The following INPP4B variants were observed in gnomAD, a reference collection of about 807,000 sequenced individuals.
INPP4B encodes inositol polyphosphate-4-phosphatase type II B.
In INPP4B, 55 loss-of-function variants were observed where a neutral mutation model predicts 122.5. The ratio of observed to expected loss-of-function variants is 0.45; its 90% CI spans 0.36 to 0.56. The LOEUF (loss-of-function observed/expected upper bound fraction) is 0.56, where lower values mean the gene tolerates loss of function less well. INPP4B is among the 20% of genes least tolerant of loss of function. The pLI is 0.00. For synonymous variants in INPP4B, 403 were observed against 388.7 expected (o/e 1.04, Z -0.43); for missense variants, 1,000 against 1,097.7 (o/e 0.91, Z 1.26).
At position 142,202,819 on chromosome 4, in the gene INPP4B, G is replaced by A. The variant is rs944750946; in HGVS notation, c.1072+5606C>T. 8 of 978,168 alleles carry A rather than the reference G, an allele frequency of 8.2e-6. No homozygotes were observed. The African/African-American group carries it at 1.4e-4, about 17-fold the overall frequency. 60.6% of individuals were successfully genotyped at this position (978,168 alleles called of 1,614,324 possible). A position where few individuals can be genotyped will look rare whatever the true frequency, so the allele number is the denominator to read the frequency against. ...GAGTGGGCGGGGCCGTGCTTGACAG[G>A]TGTGTTTCACTCATGCAAACTAAGG... On this transcript the variant is annotated intron_variant, in intron 14 of 25. Transcript: ENST00000262992.
At chr4:142,572,747 A>C (rs181573282) in intron 2 of INPP4B, among the ~76,000 whole-genome samples, 1 of 152,134 alleles carries the variant, frequency 6.6e-6, no homozygotes, top group Non-Finnish European at 1.5e-5. Context: ...TTAATTGTAC[A>C]ATGTGAGAAA....
At chr4:142,668,045 A>G (rs1756407646) in intron 2 of INPP4B, among the ~76,000 whole-genome samples, 1 of 152,166 alleles carries the variant, frequency 6.6e-6, no homozygotes, top group South Asian at 2.1e-4. Flanking sequence ...TGAGGCCAGC[A>G]TTACCCTGAT....
intron 25 of INPP4B, among the ~76,000 whole-genome samples, chr4:142,048,312 TG>T (rs1294549554): frequency 6.6e-6 from 1 of 152,110 alleles, no homozygotes; most frequent in African/African-American, 2.4e-5. Context: ...TTACAGAATA[TG>T]TAGGACAGCT....
chr4:142,094,432 T>G (rs577208800), intron 23 of INPP4B, among the ~76,000 whole-genome samples: 1 of 152,310 alleles, frequency 6.6e-6, no homozygotes, highest in South Asian at 2.1e-4. Context: ...AATGGCTCCT[T>G]GAGAGTGCAT....
At position 142,075,587 on chromosome 4, in the gene INPP4B, C is replaced by T. The variant is rs940977301; in HGVS notation, c.2642+6444G>A. On this transcript the variant is annotated intron_variant, in intron 25 of 25. Transcript: ENST00000262992. ...AGACCTCGAAGACCAGGAGAACTTC[C>T]CCATTTTAGCAATATCCAAAGATGC... Among the ~76,000 whole-genome samples, 2 of 151,904 alleles carry T rather than the reference C, an allele frequency of 1.3e-5. 1 individual carries two copies. The highest frequency in any genetic ancestry group is 2.9e-5 in the Non-Finnish European group (2 of 67,966).
intron 7 of INPP4B, among the ~76,000 whole-genome samples, chr4:142,359,715 A>G (rs1234122887): frequency 1.3e-5 from 2 of 152,026 alleles, no homozygotes; most frequent in Admixed American, 6.6e-5. Flanking sequence ...GAAGATAATA[A>G]CACATTGACT....
At position 142,173,658 on chromosome 4, in the gene INPP4B, T is replaced by G. The variant is rs778341617; in HGVS notation, c.1333A>C (p.Asn445His). 3.1e-6 allele frequency: 5 copies of G among 1,612,052 alleles called. No individual in the cohort carries two copies. Among genetic ancestry groups the G allele is most frequent in the African/African-American group, 2.7e-5 (2 of 74,776 alleles). ...TTTTCTGAAAGCATCTTTAAAGAAT[T>G]CTTCAAGCTGTCTGGAGAATGCTGG... ...ASQHSPDSLKNSLKMLSEKTE... is the reference protein window; with the variant it reads ...ASQHSPDSLKHSLKMLSEKTE... Residue 445 changes from asparagine to histidine, a missense_variant, in exon 16 of 26, where the codon AAT becomes CAT. Physicochemically the swap from Asn to His is moderately conservative, Grantham distance 68. Transcript: ENST00000262992.
chr4:142,265,454 A>G (rs1286473328), intron 10 of INPP4B, among the ~76,000 whole-genome samples: 1 of 152,186 alleles, frequency 6.6e-6, no homozygotes. Context: ...TTGATTTTCT[A>G]TGGATTTTTA....
At position 142,027,901 on chromosome 4, in the gene INPP4B, A is replaced by G. The variant is rs1392263639; in HGVS notation, c.*881T>C. ...AAACCTATGCCATAACTGCATGCTT[A>G]CACCAGGATGACTGCTAAGAAACAT... On this transcript the variant is annotated 3_prime_UTR_variant, in exon 26 of 26. Transcript: ENST00000262992. 1 of 182,090 alleles carries G rather than the reference A, an allele frequency of 5.5e-6. No homozygotes were observed. The highest frequency in any genetic ancestry group is 1.2e-5 in the Non-Finnish European group (1 of 85,546). 11.3% of individuals were successfully genotyped at this position (182,090 alleles called of 1,614,324 possible).
At chr4:142,067,513 C>T (rs180867823) in intron 25 of INPP4B, among the ~76,000 whole-genome samples, 44 of 152,200 alleles carry the variant, frequency 2.9e-4, no homozygotes, top group African/African-American at 8.4e-4. Flanking sequence ...TTCAGACGAT[C>T]GGTAACAACA....
At chr4:142,106,645 T>A (rs1322328315) in intron 23 of INPP4B, among the ~76,000 whole-genome samples, 4 of 152,332 alleles carry the variant, frequency 2.6e-5, no homozygotes, top group African/African-American at 9.6e-5. Context: ...GCCAACAATC[T>A]ACTTTGTAAT....
chr4:142,395,197 A>T, intron 7 of INPP4B, among the ~76,000 whole-genome samples: 1 of 152,240 alleles, frequency 6.6e-6, no homozygotes, highest in South Asian at 2.1e-4. Context: ...AAACAATGTG[A>T]AGAGCATCAG....
intron 9 of INPP4B, among the ~76,000 whole-genome samples, chr4:142,280,105 C>T (rs1310435047): frequency 6.6e-6 from 1 of 151,824 alleles, no homozygotes. Context: ...GACTGAAACT[C>T]TCATACATCT....
intron 2 of INPP4B, among the ~76,000 whole-genome samples, chr4:142,538,608 C>G (rs1828563357): frequency 6.6e-6 from 1 of 151,886 alleles, no homozygotes; most frequent in Non-Finnish European, 1.5e-5. Flanking sequence ...ATAACTCATG[C>G]TAAATATTAT....
At chr4:142,329,933 T>C (rs1195404982) in intron 7 of INPP4B, among the ~76,000 whole-genome samples, 1 of 148,034 alleles carries the variant, frequency 6.8e-6, no homozygotes, top group Non-Finnish European at 1.5e-5. Flanking sequence ...GTAAAAAGCA[T>C]TCAGAAAAAG....
chr4:142,675,308 G>A (rs181235147), intron 2 of INPP4B, among the ~76,000 whole-genome samples: 48 of 152,192 alleles, frequency 3.2e-4, no homozygotes, highest in Admixed American at 1.9e-3. Flanking sequence ...GGAAGAAGGC[G>A]ATTCCCTGAA....
intron 15 of INPP4B, 92 bp from the exon 16 acceptor site, chr4:142,173,901 A>G: frequency 1.0e-6 from 1 of 985,230 alleles, no homozygotes. Context: ...CAGAACTCCA[A>G]GTATCACTCT....
chr4:142,451,382 C>T (rs906087312), intron 3 of INPP4B, among the ~76,000 whole-genome samples: 20 of 151,154 alleles, frequency 1.3e-4, no homozygotes, highest in African/African-American at 4.4e-4. Flanking sequence ...TCCTGAGTAG[C>T]TGGATTACAG....
intron 9 of INPP4B, among the ~76,000 whole-genome samples, chr4:142,281,564 T>C (rs1751228030): frequency 6.6e-6 from 1 of 151,910 alleles, no homozygotes. Context: ...TGCTTTTGGG[T>C]TTTATGTCTT....
Sources: gnomAD v4.1 joint callset for allele counts (sites outside exome capture counted in the v4.1 genomes callset) on GRCh38, gnomAD v4.1.1 for gene constraint, MANE v1.5 for transcripts, NCBI Gene and HGNC (gene_info 2026-07-23, HGNC 2026-07-21) for gene names.